Variants in VMA12 observed in about 807,000 individuals in gnomAD.
VMA12 encodes vacuolar ATPase assembly factor VMA12, also known as vacuolar ATPase assembly protein VMA12.
At chr17:28,361,104 A>G in the VMA12 span, 2 of 1,553,856 alleles carry the variant, frequency 1.3e-6, no homozygotes, top group South Asian at 2.2e-5. Context: ...TTGCTGGGGT[A>G]CAGAGCTGGT....
chr17:28,362,779 C>T, the VMA12 span: 1 of 152,202 alleles, frequency 6.6e-6, no homozygotes, highest in African/African-American at 2.4e-5. Flanking sequence ...TGCACTCTAG[C>T]CTGGATGACA....
At chr17:28,358,998 G>A in the VMA12 span, 1 of 1,605,432 alleles carries the variant, frequency 6.2e-7, no homozygotes, top group South Asian at 1.1e-5. Context: ...GGGTATGTAA[G>A]GGATATGTTT....
chr17:28,358,245 C>G, the VMA12 span: 1 of 396,908 alleles, frequency 2.5e-6, no homozygotes, highest in Non-Finnish European at 5.0e-6. Context: ...ATCCGGATTT[C>G]TTTCCACCTC....
chr17:28,358,676 G>A, the VMA12 span, among the ~76,000 whole-genome samples: 2 of 152,322 alleles, frequency 1.3e-5, no homozygotes, highest in African/African-American at 4.8e-5. Context: ...TGGCTTACTT[G>A]TTAGTTATAA....
the VMA12 span, chr17:28,357,713 T>C: frequency 6.2e-7 from 1 of 1,613,140 alleles, no homozygotes; most frequent in South Asian, 1.1e-5. Context: ...GGTGCGTGCT[T>C]TGGGCCCCGG....
chr17:28,360,910 G>A, the VMA12 span: 128 of 1,364,694 alleles, frequency 9.4e-5, no homozygotes, highest in Non-Finnish European at 1.2e-4. Flanking sequence ...AAGGGAGGAC[G>A]TATGTGAAAG....
At chr17:28,360,592 G>C in the VMA12 span, 1 of 1,614,098 alleles carries the variant, frequency 6.2e-7, no homozygotes, top group South Asian at 1.1e-5. Context: ...AGGAGATCAG[G>C]CTTCTAAAAC....
the VMA12 span, chr17:28,358,961 A>C: frequency 3.1e-6 from 5 of 1,612,852 alleles, no homozygotes; most frequent in Non-Finnish European, 4.2e-6. Context: ...AGTGAAATCT[A>C]TCTCCCAGAG....
At chr17:28,361,077 C>G in the VMA12 span, 1 of 1,406,120 alleles carries the variant, frequency 7.1e-7, no homozygotes, top group Non-Finnish European at 1.0e-6. Context: ...TTGGGGGGCT[C>G]TCCATCCTCA....
At chr17:28,358,801 A>G in the VMA12 span, 1 of 764,574 alleles carries the variant, frequency 1.3e-6, no homozygotes, top group Non-Finnish European at 2.2e-6. Flanking sequence ...GAAATGGATT[A>G]ATGTAGAGAT....
the VMA12 span, chr17:28,359,432 C>A: frequency 6.2e-7 from 1 of 1,607,848 alleles, no homozygotes; most frequent in South Asian, 1.1e-5. Context: ...AGTACGTGGT[C>A]TAGGTAGCCC....
chr17:28,359,514 G>C, the VMA12 span: 1 of 956,272 alleles, frequency 1.0e-6, no homozygotes, highest in Non-Finnish European at 1.6e-6. Flanking sequence ...TTTCTATACT[G>C]TTCAGGGACC....
At chr17:28,359,158 C>T in the VMA12 span, 2 of 726,236 alleles carry the variant, frequency 2.8e-6, no homozygotes, top group Non-Finnish European at 4.1e-6. Context: ...AAATTGAGAT[C>T]AAAAAAAAAA....
At chr17:28,360,559 C>T in the VMA12 span, 3 of 1,614,170 alleles carry the variant, frequency 1.9e-6, no homozygotes, top group Non-Finnish European at 2.5e-6. Flanking sequence ...TCTCAGCGAC[C>T]TGGGAAAGCA....
chr17:28,361,139 G>A, the VMA12 span: 1 of 1,613,350 alleles, frequency 6.2e-7, no homozygotes, highest in Non-Finnish European at 8.5e-7. Context: ...CCTTAAGCCT[G>A]GTTCTCCCCA....
the VMA12 span, chr17:28,361,946 T>C: frequency 2.0e-5 from 3 of 152,386 alleles, no homozygotes; most frequent in South Asian, 4.1e-4. Context: ...TGTTCTGAAG[T>C]CTTGTAATGT....
At chr17:28,360,714 C>G in the VMA12 span, 29 of 1,611,264 alleles carry the variant, frequency 1.8e-5, no homozygotes, top group Non-Finnish European at 2.5e-5. Flanking sequence ...TAAAGGTGCC[C>G]TCTCTGGCTC....
chr17:28,361,754 C>G, the VMA12 span: 1 of 155,548 alleles, frequency 6.4e-6, no homozygotes, highest in Non-Finnish European at 1.4e-5. Flanking sequence ...AGGAGCTGAT[C>G]AGAGACATCA....
the VMA12 span, chr17:28,360,554 G>A: frequency 1.9e-6 from 3 of 1,614,196 alleles, no homozygotes; most frequent in South Asian, 3.3e-5. Context: ...GGGACTCTCA[G>A]CGACCTGGGA....
Sources: gnomAD v4.1 joint callset for allele counts (sites outside exome capture counted in the v4.1 genomes callset) on GRCh38, gnomAD v4.1.1 for gene constraint, MANE v1.5 for transcripts, NCBI Gene and HGNC (gene_info 2026-07-23, HGNC 2026-07-21) for gene names.